The following NREP variants were observed in gnomAD, a reference collection of about 807,000 sequenced individuals.
NREP encodes the protein neuronal regeneration related protein.
In NREP, 5 loss-of-function variants were observed where a neutral mutation model predicts 8.6. That is an observed-to-expected ratio of 0.58 (90% confidence interval 0.30 to 1.22). The LOEUF is 1.22. Among genes scored for constraint, NREP ranks in the 50% most tolerant of loss-of-function variants. The pLI, the probability that NREP is intolerant of heterozygous loss-of-function variation, is 0.07. For synonymous variants in NREP, 27 were observed against 28.0 expected (o/e 0.96, Z 0.11); for missense variants, 86 against 82.5 (o/e 1.04, Z -0.17).
chr5:111,781,797 C>T (rs978356918), intron 2 of NREP, among the ~76,000 whole-genome samples: 1 of 152,060 alleles, frequency 6.6e-6, no homozygotes, highest in East Asian at 1.9e-4. Flanking sequence ...GTTCTTTAGC[C>T]TGAAAGACAA....
In NREP at chr5:111,795,020, G is replaced by T. The variant is rs111911526; in HGVS notation, c.136-59513C>A. 3.5e-3 allele frequency among the ~76,000 whole-genome samples: 522 copies of T among 149,924 alleles called. 3 individuals are homozygous for T. Among genetic ancestry groups the T allele is most frequent in the African/African-American group, 0.011 (470 of 40,922 alleles). On this transcript the variant is annotated intron_variant, in intron 2 of 3. Transcript: ENST00000395634. ...TAAAAAAAAAAAAAAAAGAAAAAAA[G>T]CCGGAAAAATGTGATGTGAATAAAT...
At chr5:111,956,107 G>A (rs193258787) in intron 2 of NREP, among the ~76,000 whole-genome samples, 84 of 152,140 alleles carry the variant, frequency 5.5e-4, no homozygotes, top group Non-Finnish European at 9.0e-4. Context: ...GGAACAGTGA[G>A]AGCCTCTACA....
At chr5:111,963,552 G>T (rs756086315) in intron 2 of NREP, among the ~76,000 whole-genome samples, 3 of 152,224 alleles carry the variant, frequency 2.0e-5, no homozygotes, top group African/African-American at 4.8e-5. Context: ...CCTGCCCAGA[G>T]ATGTATTTCA....
At chr5:111,868,656 C>G (rs1753720027) in intron 2 of NREP, among the ~76,000 whole-genome samples, 1 of 152,172 alleles carries the variant, frequency 6.6e-6, no homozygotes, top group African/African-American at 2.4e-5. Flanking sequence ...TACTACAGCA[C>G]TTAGCTGGTC....
At chr5:111,919,739 A>G (rs1755170707) in intron 2 of NREP, among the ~76,000 whole-genome samples, 1 of 152,014 alleles carries the variant, frequency 6.6e-6, no homozygotes, top group Admixed American at 6.6e-5. Flanking sequence ...AGGGACTAGG[A>G]GAGGGATAAC....
intron 2 of NREP, among the ~76,000 whole-genome samples, chr5:111,875,200 C>A (rs1753875561): frequency 6.6e-6 from 1 of 151,994 alleles, no homozygotes; most frequent in Non-Finnish European, 1.5e-5. Context: ...TATGAAGCTT[C>A]TTAGAATTTT....
At chr5:111,949,025 A>G (rs1482664815) in intron 2 of NREP, 1 of 152,254 alleles carries the variant, frequency 6.6e-6, no homozygotes, top group Non-Finnish European at 1.5e-5. Flanking sequence ...AACTAAAGTC[A>G]TAGTAAAGTA....
intron 2 of NREP, among the ~76,000 whole-genome samples, chr5:111,746,322 A>T (rs1749999942): frequency 6.6e-6 from 1 of 152,102 alleles, no homozygotes; most frequent in Admixed American, 6.6e-5. Context: ...CTTGATAACA[A>T]GATCAAAACA....
chr5:111,975,436 T>C, intron 1 of NREP: 4 of 1,177,022 alleles, frequency 3.4e-6, no homozygotes, highest in Non-Finnish European at 5.0e-6. Flanking sequence ...GTGCCACAAC[T>C]CACAGCTCCA....
intron 2 of NREP, among the ~76,000 whole-genome samples, chr5:111,945,201 T>C (rs1466727665): frequency 6.6e-6 from 1 of 152,164 alleles, no homozygotes; most frequent in African/African-American, 2.4e-5. Flanking sequence ...AATTAGGGTA[T>C]AAATGATAAA....
chr5:111,739,272 G>A (rs1308122928), intron 2 of NREP: 1 of 152,256 alleles, frequency 6.6e-6, no homozygotes, highest in Non-Finnish European at 1.5e-5. Flanking sequence ...GCACATCTGG[G>A]AGGGCATTTG....
At chr5:111,787,198 C>T (rs1383781349) in intron 2 of NREP, among the ~76,000 whole-genome samples, 1 of 152,178 alleles carries the variant, frequency 6.6e-6, no homozygotes, top group African/African-American at 2.4e-5. Context: ...GTCCCCACAA[C>T]CACTTCTCAT....
intron 2 of NREP, among the ~76,000 whole-genome samples, chr5:111,934,791 C>A (rs556779305): frequency 3.3e-5 from 5 of 152,224 alleles, no homozygotes; most frequent in Non-Finnish European, 7.4e-5. Flanking sequence ...CTGGCGGCAA[C>A]AAGCCTGTCC....
intron 2 of NREP, among the ~76,000 whole-genome samples, chr5:111,871,695 G>C (rs1414127311): frequency 6.6e-6 from 1 of 151,286 alleles, no homozygotes; most frequent in Non-Finnish European, 1.5e-5. Context: ...TTTGTTCAAA[G>C]CTAAGACACA....
At chr5:111,969,422 T>C (rs1756738875) in intron 2 of NREP, 1 of 152,210 alleles carries the variant, frequency 6.6e-6, no homozygotes, top group Non-Finnish European at 1.5e-5. Context: ...AGTGTGACTC[T>C]CAATCAGAAA....
chr5:111,769,758 T>G (rs1051706604), intron 2 of NREP, among the ~76,000 whole-genome samples: 1 of 152,086 alleles, frequency 6.6e-6, no homozygotes, highest in Non-Finnish European at 1.5e-5. Flanking sequence ...AAGGGGGAAG[T>G]GCTACACACT....
upstream of NREP, among the ~76,000 whole-genome samples, chr5:111,761,923 T>C (rs531785001): frequency 1.3e-5 from 2 of 152,176 alleles, no homozygotes; most frequent in Non-Finnish European, 2.9e-5. Flanking sequence ...GTAGAAGAAA[T>C]GTAATCTGAA....
intron 2 of NREP, among the ~76,000 whole-genome samples, chr5:111,754,438 T>C (rs1750576444): frequency 6.6e-6 from 1 of 152,200 alleles, no homozygotes; most frequent in South Asian, 2.1e-4. Flanking sequence ...TCACAGAAAG[T>C]AGGTAACGTT....
chr5:111,836,678 T>C (rs1165953835), intron 2 of NREP, among the ~76,000 whole-genome samples: 1 of 151,968 alleles, frequency 6.6e-6, no homozygotes, highest in Admixed American at 6.6e-5. Context: ...TTCTAAATTT[T>C]CTTATAGCCA....
Sources: gnomAD v4.1 joint callset for allele counts (sites outside exome capture counted in the v4.1 genomes callset) on GRCh38, gnomAD v4.1.1 for gene constraint, MANE v1.5 for transcripts, NCBI Gene and HGNC (gene_info 2026-07-23, HGNC 2026-07-21) for gene names.